SNTG1: variants seen among roughly 807,000 people sequenced by gnomAD.
SNTG1 encodes gamma-1-syntrophin.
In SNTG1, 39 loss-of-function variants were observed where a neutral mutation model predicts 74.7. The ratio of observed to expected loss-of-function variants is 0.52; its 90% CI spans 0.40 to 0.68. The LOEUF (loss-of-function observed/expected upper bound fraction) is 0.68, where lower values mean the gene tolerates loss of function less well. Among genes scored for constraint, SNTG1 ranks in the 30% least tolerant of loss-of-function variants. The probability of loss-of-function intolerance (pLI) is 0.00; values close to 1 mark genes in which losing one functional copy is unlikely to be tolerated. For synonymous variants in SNTG1, 254 were observed against 217.1 expected, an observed-to-expected ratio of 1.17 and a Z score of -1.49; for missense variants, 685 against 609.5, an observed-to-expected ratio of 1.12 and a Z score of -1.30.
rs947578805 is a variant in SNTG1 at position 50,309,672 on chromosome 8, G to C, written c.-27-84540G>C. Among the ~76,000 whole-genome samples, 11 of 152,240 alleles carry C rather than the reference G, an allele frequency of 7.2e-5. No individual in the cohort carries two copies. In the South Asian group the frequency reaches 1.2e-3, roughly 17 times the overall value. ...AACAAATATACCATATCTTAGTAGC[G>C]GTTTAGGTATGCAGCTATTTTAAAG... On this transcript the variant is annotated intron_variant, in intron 2 of 18. Transcript: ENST00000642720.
intron 2 of SNTG1, among the ~76,000 whole-genome samples, chr8:50,187,076 G>A (rs2083410671): frequency 6.6e-6 from 1 of 151,884 alleles, no homozygotes; most frequent in Non-Finnish European, 1.5e-5. Flanking sequence ...GTAAGGAAGG[G>A]GTCCAGTTTC....
intron 2 of SNTG1, among the ~76,000 whole-genome samples, chr8:50,177,923 T>G (rs1212873952): frequency 6.6e-6 from 1 of 152,204 alleles, no homozygotes; most frequent in Non-Finnish European, 1.5e-5. Context: ...TCACTGTCTC[T>G]ACCGTTTTGC....
At chr8:50,560,039 C>G (rs1393238207) in intron 12 of SNTG1, among the ~76,000 whole-genome samples, 1 of 151,798 alleles carries the variant, frequency 6.6e-6, no homozygotes, top group Non-Finnish European at 1.5e-5. Context: ...AACAAAAATA[C>G]GTTAAAAAGT....
chr8:50,409,409 T>C (rs1288172893), intron 4 of SNTG1, among the ~76,000 whole-genome samples: 1 of 152,182 alleles, frequency 6.6e-6, no homozygotes, highest in Non-Finnish European at 1.5e-5. Flanking sequence ...AGTTGAAGTT[T>C]TAGCATTGAG....
chr8:50,699,016 T>C (rs1417766992), intron 15 of SNTG1, among the ~76,000 whole-genome samples: 3 of 152,192 alleles, frequency 2.0e-5, no homozygotes, highest in Non-Finnish European at 4.4e-5. Context: ...CTGTGTTCTC[T>C]CTTGGATAAT....
intron 8 of SNTG1, among the ~76,000 whole-genome samples, chr8:50,467,808 T>A (rs891230020): frequency 3.9e-5 from 6 of 151,950 alleles, no homozygotes; most frequent in African/African-American, 1.2e-4. Flanking sequence ...TTTGCCTGCA[T>A]GTCACAAATA....
At chr8:50,762,510 A>G in intron 18 of SNTG1, 1 of 367,630 alleles carries the variant, frequency 2.7e-6, no homozygotes, top group Non-Finnish European at 5.4e-6. Context: ...TTTTTGAGAT[A>G]AGCTATCAAG....
chr8:50,718,415 C>T (rs1585629984), intron 17 of SNTG1, among the ~76,000 whole-genome samples: 1 of 152,324 alleles, frequency 6.6e-6, no homozygotes, highest in Non-Finnish European at 1.5e-5. Flanking sequence ...GCATCACTGC[C>T]TTACGAAAGT....
At chr8:50,095,280 C>T (rs530085495) in intron 1 of SNTG1, among the ~76,000 whole-genome samples, 1 of 152,154 alleles carries the variant, frequency 6.6e-6, no homozygotes, top group South Asian at 2.1e-4. Context: ...ACATAACAAA[C>T]CTGCACACAT....
Position 50,577,461 on chromosome 8 carries a change from G to GT in SNTG1, c.811-13407dup, listed in dbSNP as rs201845483. On this transcript the variant is annotated intron_variant, in intron 12 of 18. Transcript: ENST00000642720. ...TATTGGTCCATAGTTTTTTTTTTTT[G>GT]TTTTTTTTTTTCTTCTGGTGTCTTT... 2.7e-3 allele frequency among the ~76,000 whole-genome samples: 352 copies of GT among 130,608 alleles called. 3 individuals carry two copies. The highest frequency in any genetic ancestry group is 6.9e-3 in the South Asian group (28 of 4,044). 85.7% of individuals were successfully genotyped at this position (130,608 alleles called of 152,430 possible).
chr8:50,534,694 C>T (rs906279597), intron 10 of SNTG1, among the ~76,000 whole-genome samples: 37 of 151,948 alleles, frequency 2.4e-4, no homozygotes, highest in African/African-American at 8.7e-4. Flanking sequence ...GGCAGGAGGA[C>T]CACTTGACCC....
intron 13 of SNTG1, among the ~76,000 whole-genome samples, chr8:50,634,912 T>G (rs375099150): frequency 6.6e-6 from 1 of 152,178 alleles, no homozygotes; most frequent in Non-Finnish European, 1.5e-5. Context: ...AAATGTTATA[T>G]AAACACAATT....
intron 1 of SNTG1, among the ~76,000 whole-genome samples, chr8:50,132,042 T>C (rs1373502315): frequency 1.3e-5 from 2 of 152,126 alleles, no homozygotes; most frequent in African/African-American, 4.8e-5. Flanking sequence ...TCTATTTTTC[T>C]GTTTCTATGC....
chr8:50,672,892 C>T (rs964371826), intron 15 of SNTG1, among the ~76,000 whole-genome samples: 2 of 151,946 alleles, frequency 1.3e-5, no homozygotes, highest in African/African-American at 4.8e-5. Context: ...TCCAGTTTCA[C>T]TTTTCTGCAA....
intron 2 of SNTG1, among the ~76,000 whole-genome samples, chr8:50,195,661 G>A (rs2083739695): frequency 6.6e-6 from 1 of 152,108 alleles, no homozygotes; most frequent in South Asian, 2.1e-4. Context: ...TCTCTAAATT[G>A]ACTCAGCTCC....
chr8:50,673,724 G>A (rs944284112), intron 15 of SNTG1, among the ~76,000 whole-genome samples: 6 of 152,156 alleles, frequency 3.9e-5, no homozygotes, highest in Non-Finnish European at 5.9e-5. Context: ...TTGAATAGGA[G>A]TGGTGAGAGA....
intron 2 of SNTG1, among the ~76,000 whole-genome samples, chr8:50,388,088 A>G (rs1443862252): frequency 1.3e-5 from 2 of 152,186 alleles, no homozygotes; most frequent in Non-Finnish European, 2.9e-5. Context: ...CTCTGGGTTT[A>G]GTGTTCAGAA....
intron 2 of SNTG1, among the ~76,000 whole-genome samples, chr8:50,358,379 A>G (rs974694743): frequency 2.0e-5 from 3 of 152,196 alleles, no homozygotes; most frequent in African/African-American, 2.4e-5. Flanking sequence ...GTCAGGACCA[A>G]TGAGTTCCAT....
At chr8:50,167,849 A>G (rs866631166) in intron 1 of SNTG1, among the ~76,000 whole-genome samples, 10 of 151,738 alleles carry the variant, frequency 6.6e-5, no homozygotes, top group Middle Eastern at 3.4e-3. Context: ...AAAAGAAAGA[A>G]TAAAGTAAAT....
Sources: gnomAD v4.1 joint callset for allele counts (sites outside exome capture counted in the v4.1 genomes callset) on GRCh38, gnomAD v4.1.1 for gene constraint, MANE v1.5 for transcripts, NCBI Gene and HGNC (gene_info 2026-07-23, HGNC 2026-07-21) for gene names.